CSMD1: variants seen among roughly 807,000 people sequenced by gnomAD.
The protein encoded by CSMD1 is CUB and sushi domain-containing protein 1.
A neutral mutation model predicts 417.5 loss-of-function variants in CSMD1; 213 were observed. That is an observed-to-expected ratio of 0.51 (90% CI 0.46 to 0.57). CSMD1 has a LOEUF of 0.57. Among genes scored for constraint, CSMD1 ranks in the 20% least tolerant of loss-of-function variants. CSMD1 has a pLI of 0.00. For missense variants in CSMD1, 6,923 were observed against 4,529.7 expected (o/e 1.53, Z -15.17); for synonymous variants, 2,862 against 1,736.8 (o/e 1.65, Z -16.11).
At chr8:3,450,879 G>A (rs1274200923) in intron 12 of CSMD1, among the ~76,000 whole-genome samples, 1 of 151,778 alleles carries the variant, frequency 6.6e-6, no homozygotes, top group Non-Finnish European at 1.5e-5. Flanking sequence ...AGATCCCTGA[G>A]GAATCGCCAC....
chr8:4,689,464 T>C (rs1362839278), intron 1 of CSMD1, among the ~76,000 whole-genome samples: 1 of 152,068 alleles, frequency 6.6e-6, no homozygotes, highest in Non-Finnish European at 1.5e-5. Context: ...TAGAAGGATT[T>C]GTGGGGAAAA....
chr8:3,839,313 T>C (rs1199558547), intron 5 of CSMD1, among the ~76,000 whole-genome samples: 1 of 122,718 alleles, frequency 8.1e-6, no homozygotes, highest in Non-Finnish European at 1.6e-5. Context: ...TATATACTAT[T>C]AATATATATT....
At chr8:4,172,883 G>A (rs549560513) in intron 3 of CSMD1, among the ~76,000 whole-genome samples, 2 of 152,218 alleles carry the variant, frequency 1.3e-5, no homozygotes, top group East Asian at 3.9e-4. Context: ...AGGGAGCCCA[G>A]CCCATTCCAG....
chr8:4,229,493 T>C (rs1236943603), intron 3 of CSMD1, among the ~76,000 whole-genome samples: 1 of 152,108 alleles, frequency 6.6e-6, no homozygotes, highest in Non-Finnish European at 1.5e-5. Flanking sequence ...AGAAAGAACA[T>C]TTTGTCTTCA....
Position 2,936,074 on chromosome 8 carries a change from C to A in CSMD1, c.*2511G>T, listed in dbSNP as rs1234243875. 6.6e-6 allele frequency: 1 copy of A among 152,138 alleles called. No individual in the cohort carries two copies. Among genetic ancestry groups the A allele is most frequent in the Non-Finnish European group, 1.5e-5 (1 of 68,044 alleles). The allele number at this position is 152,138 out of a possible 1,614,324, so 9.4% of individuals were successfully genotyped here. ...CGGAGACGCCGTTCAACACTGCACA[C>A]AACCTTAGGAAGAAACTAGGCAGAA... On this transcript the variant is annotated 3_prime_UTR_variant, in exon 70 of 70. Transcript: ENST00000635120.
chr8:3,415,878 A>G (rs961635653), intron 12 of CSMD1, among the ~76,000 whole-genome samples: 4 of 152,232 alleles, frequency 2.6e-5, no homozygotes, highest in African/African-American at 9.6e-5. Context: ...CCAAGTTTTC[A>G]TGAGAATAAG....
At chr8:4,659,099 C>A (rs1804423161) in intron 1 of CSMD1, among the ~76,000 whole-genome samples, 1 of 151,994 alleles carries the variant, frequency 6.6e-6, no homozygotes. Context: ...AATAAAATAA[C>A]CGATTAAAAA....
At chr8:3,398,645 T>C (rs1811845766) in intron 16 of CSMD1, among the ~76,000 whole-genome samples, 1 of 152,220 alleles carries the variant, frequency 6.6e-6, no homozygotes, top group South Asian at 2.1e-4. Flanking sequence ...CCCAATGTTA[T>C]GCAGAGAATA....
At chr8:3,939,922 C>A (rs148157164) in intron 5 of CSMD1, among the ~76,000 whole-genome samples, 3 of 152,112 alleles carry the variant, frequency 2.0e-5, no homozygotes, top group Non-Finnish European at 4.4e-5. Flanking sequence ...GTAAACTTCT[C>A]GGATGACAGG....
intron 5 of CSMD1, among the ~76,000 whole-genome samples, chr8:3,765,518 A>G (rs964113245): frequency 6.6e-6 from 1 of 152,232 alleles, no homozygotes; most frequent in Non-Finnish European, 1.5e-5. Flanking sequence ...GTGCTAACTC[A>G]GACATCTTCC....
chr8:3,565,820 T>A (rs932004046), intron 10 of CSMD1, among the ~76,000 whole-genome samples: 1 of 138,528 alleles, frequency 7.2e-6, no homozygotes, highest in African/African-American at 3.1e-5. Context: ...AAATATATTG[T>A]TTTTTTTTTC....
intron 50 of CSMD1, among the ~76,000 whole-genome samples, chr8:3,051,142 G>A (rs1811789687): frequency 6.6e-6 from 1 of 152,202 alleles, no homozygotes. Context: ...AAAGACACAT[G>A]CACATGTATG....
At chr8:3,829,191 C>T (rs961915076) in intron 5 of CSMD1, among the ~76,000 whole-genome samples, 1 of 152,118 alleles carries the variant, frequency 6.6e-6, no homozygotes, top group Non-Finnish European at 1.5e-5. Context: ...TTTCACTTTT[C>T]CCCCAAGTCC....
intron 5 of CSMD1, among the ~76,000 whole-genome samples, chr8:3,973,689 G>C (rs999343497): frequency 6.6e-6 from 1 of 152,162 alleles, no homozygotes. Context: ...GGCAACAGAG[G>C]TGTGAATGCA....
At chr8:4,828,175 C>G (rs1482959635) in intron 1 of CSMD1, among the ~76,000 whole-genome samples, 1 of 152,116 alleles carries the variant, frequency 6.6e-6, no homozygotes, top group Non-Finnish European at 1.5e-5. Flanking sequence ...AAATACAGAG[C>G]TCATTTAAGT....
intron 2 of CSMD1, among the ~76,000 whole-genome samples, chr8:4,434,520 T>A (rs1381616295): frequency 6.6e-6 from 1 of 152,124 alleles, no homozygotes; most frequent in Non-Finnish European, 1.5e-5. Flanking sequence ...CAAAATTGTC[T>A]GATGAAGCAC....
At chr8:3,887,822 G>C (rs1806668223) in intron 5 of CSMD1, among the ~76,000 whole-genome samples, 1 of 152,168 alleles carries the variant, frequency 6.6e-6, no homozygotes, top group African/African-American at 2.4e-5. Flanking sequence ...GCCTCCGTTT[G>C]TTCATCTGTG....
rs373708082 is a variant in CSMD1, at chr8:3,626,614, G to C, written c.1010-9817C>G. Among the ~76,000 whole-genome samples the C allele has an allele frequency of 5.3e-5, 8 of 151,644 alleles. No individual in the cohort carries two copies. The South Asian group carries it at 1.7e-3, about 31-fold the overall frequency. On this transcript the variant is annotated intron_variant, in intron 7 of 69. Transcript: ENST00000635120. Reference sequence around the variant, plus strand: ...GAAAACCATGAGATATGATTTGAATGATGAGTCCCCACAGAAAGTTTCTTT... The same window carrying C: ...GAAAACCATGAGATATGATTTGAATCATGAGTCCCCACAGAAAGTTTCTTT...
intron 37 of CSMD1, among the ~76,000 whole-genome samples, chr8:3,179,158 GACT>G: frequency 1.3e-5 from 2 of 151,294 alleles, no homozygotes; most frequent in South Asian, 4.2e-4. Flanking sequence ...TGTTAGCCAG[GACT>G]GTCTCGATCT....
Sources: allele counts gnomAD v4.1 joint callset (sites outside exome capture counted in the v4.1 genomes callset), GRCh38; gene constraint gnomAD v4.1.1; transcripts MANE v1.5; gene names NCBI Gene and HGNC (gene_info 2026-07-23, HGNC 2026-07-21).